Variants in ABHD17C observed in about 807,000 individuals in gnomAD.
ABHD17C encodes alpha/beta hydrolase domain-containing protein 17C.
Under a neutral mutation model 27.9 loss-of-function variants are expected in ABHD17C, and 11 were observed. The ratio of observed to expected loss-of-function variants is 0.39; its 90% CI spans 0.25 to 0.65. ABHD17C has a LOEUF of 0.65. Ranked by LOEUF, ABHD17C falls within the 30% of genes least tolerant of loss-of-function variation. The pLI, the probability that ABHD17C is intolerant of heterozygous loss-of-function variation, is 0.45. For missense variants in ABHD17C, 280 were observed against 470.2 expected (o/e 0.60, Z 3.74); for synonymous variants, 233 against 209.1 (o/e 1.11, Z -0.98).
intron 1 of ABHD17C, among the ~76,000 whole-genome samples, chr15:80,713,808 C>T (rs957117334): frequency 6.7e-6 from 1 of 149,452 alleles, no homozygotes; most frequent in Non-Finnish European, 1.5e-5. Flanking sequence ...GATTCCGTCT[C>T]AAAAAAAAGC....
intron 1 of ABHD17C, among the ~76,000 whole-genome samples, chr15:80,734,665 G>A (rs369960379): frequency 9.6e-4 from 146 of 152,218 alleles, no homozygotes; most frequent in African/African-American, 3.4e-3. Flanking sequence ...ACAGAGAAAG[G>A]GTATATGGTA....
rs574505385 is a variant in ABHD17C at position 80,728,543 on chromosome 15, G to A, written c.591-20970G>A. On this transcript the variant is annotated intron_variant, in intron 1 of 2. Coordinates refer to ENST00000258884, the MANE Select transcript of ABHD17C (RefSeq NM_021214.2). ...TTGATAGATAGGAGATCTAAAGGCA[G>A]GTAAATCACCTCAATGCCTATGGGC... Among the ~76,000 whole-genome samples the A allele has an allele frequency of 1.2e-3, 179 of 152,294 alleles. 1 individual carries two copies. Among genetic ancestry groups the A allele is most frequent in the African/African-American group, 4.2e-3 (175 of 41,552 alleles).
chr15:80,704,685 T>A (rs1567030582), intron 1 of ABHD17C: 1 of 152,228 alleles, frequency 6.6e-6, no homozygotes, highest in Non-Finnish European at 1.5e-5. Flanking sequence ...CTGTCACTTC[T>A]GTGCCTCCTG....
At chr15:80,742,927 A>G (rs1895229356) in intron 1 of ABHD17C, among the ~76,000 whole-genome samples, 2 of 129,020 alleles carry the variant, frequency 1.6e-5, no homozygotes, top group African/African-American at 5.8e-5. Flanking sequence ...TGGGTTTGGT[A>G]CTTCTGATAG....
intron 1 of ABHD17C, among the ~76,000 whole-genome samples, chr15:80,701,908 G>C (rs1045448318): frequency 2.0e-5 from 3 of 152,130 alleles, no homozygotes; most frequent in East Asian, 3.9e-4. Flanking sequence ...GTTTCCAAGT[G>C]CTCTTTTGTC....
chr15:80,752,654 A>G (rs577994276), intron 2 of ABHD17C, among the ~76,000 whole-genome samples: 41 of 152,368 alleles, frequency 2.7e-4, no homozygotes, highest in Middle Eastern at 3.4e-3. Flanking sequence ...GATTCCCACA[A>G]ATAGTACTAA....
intron 1 of ABHD17C, among the ~76,000 whole-genome samples, chr15:80,696,373 G>A (rs1202823687): frequency 1.3e-5 from 2 of 152,228 alleles, no homozygotes; most frequent in East Asian, 3.8e-4. Flanking sequence ...GAAACAACTT[G>A]GTTCGAGTTT....
chr15:80,698,257 G>A (rs920450140), intron 1 of ABHD17C, among the ~76,000 whole-genome samples: 7 of 151,810 alleles, frequency 4.6e-5, no homozygotes, highest in Middle Eastern at 6.3e-3. Context: ...GTAGAGACGG[G>A]GTTTCACCGT....
chr15:80,705,814 G>A (rs752651393), intron 1 of ABHD17C, among the ~76,000 whole-genome samples: 6 of 152,144 alleles, frequency 3.9e-5, no homozygotes, highest in Non-Finnish European at 7.4e-5. Flanking sequence ...TTGGAGAGTG[G>A]TATGCATTAG....
At chr15:80,699,058 C>T (rs1371799773) in intron 1 of ABHD17C, among the ~76,000 whole-genome samples, 1 of 152,238 alleles carries the variant, frequency 6.6e-6, no homozygotes, top group Non-Finnish European at 1.5e-5. Flanking sequence ...TTCTCCTGTG[C>T]TAGGAACAAT....
chr15:80,735,054 A>AC (rs1895110503), intron 1 of ABHD17C, among the ~76,000 whole-genome samples: 1 of 152,132 alleles, frequency 6.6e-6, no homozygotes, highest in South Asian at 2.1e-4. Flanking sequence ...CCTTGCTTGA[A>AC]CAGATATCCC....
chr15:80,703,703 A>G (rs1567030352), intron 1 of ABHD17C, among the ~76,000 whole-genome samples: 1 of 152,180 alleles, frequency 6.6e-6, no homozygotes. Flanking sequence ...AATGTCCAAG[A>G]GCCAGTGAGT....
intron 1 of ABHD17C, among the ~76,000 whole-genome samples, chr15:80,713,351 G>GTTTTTTTTTTTT (rs1596062478): frequency 7.1e-5 from 2 of 28,134 alleles, no homozygotes; most frequent in African/African-American, 2.1e-4. Context: ...CTGAGGTCTT[G>GTTTTTTTTTTTT]TTCTTTTTTT....
Position 80,696,037 on chromosome 15 carries a change from G to T in ABHD17C, c.590+18G>T. The T allele has an allele frequency of 6.5e-7, 1 of 1,540,016 alleles. No individual in the cohort carries two copies. The highest frequency in any genetic ancestry group is 8.7e-7 in the Non-Finnish European group (1 of 1,146,234). ...CGCACCCGGTGAGCCTGCCGGGGTC[G>T]CCAGGCCTGACTTCCAGCTGTGGGG... On this transcript the variant is annotated intron_variant, in intron 1 of 2. Coordinates refer to ENST00000258884, the MANE Select transcript of ABHD17C (RefSeq NM_021214.2).
At chr15:80,714,477 G>A (rs976612696) in intron 1 of ABHD17C, among the ~76,000 whole-genome samples, 2 of 152,158 alleles carry the variant, frequency 1.3e-5, no homozygotes, top group African/African-American at 4.8e-5. Flanking sequence ...ATGTTAAAAG[G>A]TGAGCCAGGA....
In ABHD17C at chr15:80,732,114, G is replaced by C. The variant is rs188332374; in HGVS notation, c.591-17399G>C. ...TTTTCCCTGTGAGCTAAAGGAGGGGGTGGTGATAACTAATGTGACTGGGCA... is the reference window on the plus strand; with the variant it reads ...TTTTCCCTGTGAGCTAAAGGAGGGGCTGGTGATAACTAATGTGACTGGGCA... On this transcript the variant is annotated intron_variant, in intron 1 of 2. Coordinates refer to ENST00000258884, the MANE Select transcript of ABHD17C (RefSeq NM_021214.2). Among the ~76,000 whole-genome samples the C allele has an allele frequency of 8.5e-5, 13 of 152,346 alleles. No individual in the cohort carries two copies. In the East Asian group the frequency reaches 2.5e-3, roughly 29 times the overall value.
chr15:80,746,585 C>T (rs890990970), intron 1 of ABHD17C, among the ~76,000 whole-genome samples: 13 of 152,154 alleles, frequency 8.5e-5, no homozygotes, highest in African/African-American at 2.9e-4. Flanking sequence ...TGTCCTAGTG[C>T]TGAGAACCGA....
At chr15:80,725,760 T>C (rs9744692) in intron 1 of ABHD17C, among the ~76,000 whole-genome samples, 22,084 of 152,214 alleles carry the variant, frequency 0.15, 1,661 homozygotes, top group East Asian at 0.21. Context: ...TCCTCCCACA[T>C]TGGCCTCCCA....
chr15:80,723,860 C>A (rs1894934258), intron 1 of ABHD17C, among the ~76,000 whole-genome samples: 2 of 152,204 alleles, frequency 1.3e-5, no homozygotes, highest in Admixed American at 1.3e-4. Context: ...TTGCATTTGC[C>A]TGTCAGTATG....
Sources: gnomAD v4.1 joint callset for allele counts (sites outside exome capture counted in the v4.1 genomes callset) on GRCh38, gnomAD v4.1.1 for gene constraint, MANE v1.5 for transcripts, NCBI Gene and HGNC (gene_info 2026-07-23, HGNC 2026-07-21) for gene names.